The following AFG2A variants were observed in gnomAD, a reference collection of about 807,000 sequenced individuals.
The protein encoded by AFG2A is AAA ATPase AFG2A.
At chr4:122,988,401 CTTTTT>C in the AFG2A span, among the ~76,000 whole-genome samples, 8 of 123,058 alleles carry the variant, frequency 6.5e-5, no homozygotes, top group Admixed American at 4.1e-4. Context: ...GTCATTCTTT[CTTTTT>C]TTTTTTTTTT....
At chr4:123,064,742 C>T in the AFG2A span, among the ~76,000 whole-genome samples, 6 of 152,174 alleles carry the variant, frequency 3.9e-5, no homozygotes, top group East Asian at 1.9e-4. Flanking sequence ...GAATCATACT[C>T]CTTAGCTGAC....
chr4:123,011,224 CT>C, the AFG2A span, among the ~76,000 whole-genome samples: 1 of 152,242 alleles, frequency 6.6e-6, no homozygotes. Context: ...GCTGAGCTTT[CT>C]GACCCAGAGA....
At chr4:123,043,775 C>T in the AFG2A span, among the ~76,000 whole-genome samples, 6 of 152,048 alleles carry the variant, frequency 3.9e-5, no homozygotes, top group Admixed American at 3.3e-4. Flanking sequence ...GCAAAATTGC[C>T]CTTGTTTGAT....
At chr4:123,244,369 G>T in the AFG2A span, among the ~76,000 whole-genome samples, 2 of 152,190 alleles carry the variant, frequency 1.3e-5, no homozygotes, top group Non-Finnish European at 2.9e-5. Context: ...TCTCTTTGGG[G>T]TGAGAGACAG....
the AFG2A span, among the ~76,000 whole-genome samples, chr4:123,217,961 C>G: frequency 0.072 from 10,982 of 152,214 alleles, 1,058 homozygotes; most frequent in African/African-American, 0.22. Context: ...ATATCAGACT[C>G]CCTCTTCCCA....
At chr4:122,976,835 T>G in the AFG2A span, among the ~76,000 whole-genome samples, 8,194 of 152,304 alleles carry the variant, frequency 0.054, 522 homozygotes, top group African/African-American at 0.16. Context: ...AATTTTAATA[T>G]TTTACTCTTT....
At chr4:123,022,217 C>T in the AFG2A span, among the ~76,000 whole-genome samples, 2 of 151,488 alleles carry the variant, frequency 1.3e-5, no homozygotes, top group Non-Finnish European at 3.0e-5. Flanking sequence ...AGCTTCTGCA[C>T]AGCAAAAGAA....
chr4:123,023,508 C>T, the AFG2A span, among the ~76,000 whole-genome samples: 1 of 152,160 alleles, frequency 6.6e-6, no homozygotes, highest in Non-Finnish European at 1.5e-5. Context: ...GTATCCTATA[C>T]CTATAATATT....
At chr4:123,237,058 A>G in the AFG2A span, among the ~76,000 whole-genome samples, 8 of 152,264 alleles carry the variant, frequency 5.3e-5, 1 homozygote, top group South Asian at 6.2e-4. Flanking sequence ...GTTAAAAACC[A>G]CTACTCTAAA....
chr4:123,068,821 C>T, the AFG2A span, among the ~76,000 whole-genome samples: 8 of 152,038 alleles, frequency 5.3e-5, no homozygotes, highest in Non-Finnish European at 7.4e-5. Context: ...CTTAGTGCCA[C>T]GTGTGAACAA....
At chr4:123,117,292 A>G in the AFG2A span, among the ~76,000 whole-genome samples, 4 of 151,944 alleles carry the variant, frequency 2.6e-5, no homozygotes, top group Non-Finnish European at 5.9e-5. Context: ...CTCAGTCACA[A>G]TAATTTGCAG....
At chr4:123,016,775 G>T in the AFG2A span, among the ~76,000 whole-genome samples, 2 of 152,256 alleles carry the variant, frequency 1.3e-5, no homozygotes, top group African/African-American at 4.8e-5. Flanking sequence ...GCAGGCGGCT[G>T]GGAGGTGGAG....
chr4:123,151,927 C>T, the AFG2A span, among the ~76,000 whole-genome samples: 2 of 152,124 alleles, frequency 1.3e-5, no homozygotes, highest in Non-Finnish European at 1.5e-5. Context: ...CACATATACA[C>T]CATGAAATAC....
At chr4:123,310,895 G>T in the AFG2A span, among the ~76,000 whole-genome samples, 5 of 152,190 alleles carry the variant, frequency 3.3e-5, no homozygotes, top group Non-Finnish European at 7.3e-5. Context: ...AATGTTTATT[G>T]AAGCAAGTGT....
the AFG2A span, among the ~76,000 whole-genome samples, chr4:123,026,379 G>T: frequency 6.6e-6 from 1 of 152,004 alleles, no homozygotes; most frequent in East Asian, 1.9e-4. Flanking sequence ...TCCTTCAGCT[G>T]TACACATTTT....
chr4:123,132,907 G>T, the AFG2A span, among the ~76,000 whole-genome samples: 1,050 of 150,784 alleles, frequency 7.0e-3, 7 homozygotes, highest in African/African-American at 0.023. Context: ...CAGCCTCCCC[G>T]GTAGCTGGGA....
the AFG2A span, among the ~76,000 whole-genome samples, chr4:122,964,047 C>A: frequency 6.6e-6 from 1 of 151,784 alleles, no homozygotes; most frequent in African/African-American, 2.4e-5. Flanking sequence ...TTTCAAATAA[C>A]AAAAACAAAA....
the AFG2A span, among the ~76,000 whole-genome samples, chr4:123,019,638 T>A: frequency 6.6e-6 from 1 of 152,348 alleles, no homozygotes; most frequent in South Asian, 2.1e-4. Context: ...CTTCACTGTC[T>A]TATTTGAGAA....
At chr4:122,949,138 A>G in the AFG2A span, among the ~76,000 whole-genome samples, 5 of 152,264 alleles carry the variant, frequency 3.3e-5, no homozygotes, top group Middle Eastern at 3.4e-3. Flanking sequence ...TACATACACA[A>G]CAGGTTTTAA....
Sources: allele counts gnomAD v4.1 joint callset (sites outside exome capture counted in the v4.1 genomes callset), GRCh38; gene constraint gnomAD v4.1.1; transcripts MANE v1.5; gene names NCBI Gene and HGNC (gene_info 2026-07-23, HGNC 2026-07-21).